SIPA1L3: variants seen among roughly 807,000 people sequenced by gnomAD.
SIPA1L3 encodes the protein signal induced proliferation associated 1 like 3, also known as signal-induced proliferation-associated 1-like protein 3.
SIPA1L3 carries 59 observed loss-of-function variants against 150.1 expected under a neutral mutation model. That is an observed-to-expected ratio of 0.39 (90% confidence interval 0.32 to 0.49). The LOEUF is 0.49. SIPA1L3 is among the 20% of genes least tolerant of loss of function. The probability of loss-of-function intolerance (pLI) is 0.86; values close to 1 mark genes in which losing one functional copy is unlikely to be tolerated. For missense variants in SIPA1L3, 2,211 were observed against 2,489.5 expected (o/e 0.89, Z 2.38); for synonymous variants, 1,070 against 1,077.6 (o/e 0.99, Z 0.14).
At chr19:38,076,072 G>A (rs935929870) in intron 2 of SIPA1L3, among the ~76,000 whole-genome samples, 4 of 151,168 alleles carry the variant, frequency 2.6e-5, no homozygotes, top group Non-Finnish European at 4.4e-5. Flanking sequence ...CCTGGGAGGC[G>A]GAGATTGCAG....
chr19:38,016,387 G>A lies in SIPA1L3; in HGVS notation c.-378-12702G>A, dbSNP rs1254002609. Among the ~76,000 whole-genome samples, 4 of 152,188 alleles carry A rather than the reference G, an allele frequency of 2.6e-5. No homozygotes were observed. The East Asian group carries it at 7.7e-4, about 29-fold the overall frequency. ...ATAGTCAGTATCCTTACCTGTGCCT[G>A]TTTTTCTGCCATCCACTGGTGGGTA... is the stretch of plus-strand genomic sequence containing the variant. On this transcript the variant is annotated intron_variant, in intron 1 of 21. Coordinates refer to ENST00000222345, the MANE Select transcript of SIPA1L3 (RefSeq NM_015073.3).
chr19:38,045,293 C>G (rs1242497125), intron 2 of SIPA1L3, among the ~76,000 whole-genome samples: 1 of 152,022 alleles, frequency 6.6e-6, no homozygotes, highest in East Asian at 1.9e-4. Context: ...ACAAGAATCA[C>G]TTGAACCCGG....
chr19:38,055,367 C>T (rs1177119981), intron 2 of SIPA1L3, among the ~76,000 whole-genome samples: 1 of 152,166 alleles, frequency 6.6e-6, no homozygotes, highest in African/African-American at 2.4e-5. Flanking sequence ...CAGCCTCATG[C>T]TCCCAAGATG....
chr19:38,177,650 C>T (rs1972466448), intron 15 of SIPA1L3, among the ~76,000 whole-genome samples: 1 of 152,200 alleles, frequency 6.6e-6, no homozygotes, highest in African/African-American at 2.4e-5. Context: ...GCATCGTTTC[C>T]ATTTACTATA....
chr19:38,102,049 CTTT>C (rs552210592), intron 6 of SIPA1L3, among the ~76,000 whole-genome samples: 4 of 137,146 alleles, frequency 2.9e-5, no homozygotes, highest in Admixed American at 7.4e-5. Context: ...CTTTTCTTTT[CTTT>C]TTTTTTTTTT....
chr19:38,015,721 T>TAAA lies in SIPA1L3; in HGVS notation c.-378-13347_-378-13345dup, dbSNP rs59452393. Reference sequence around the variant, plus strand: ...CCTGGGTGACAGAGCAAGATCCTGTTAAAAAAAAAAAAAAAAAAAAAAAGA... The same window carrying TAAA: ...CCTGGGTGACAGAGCAAGATCCTGTTAAAAAAAAAAAAAAAAAAAAAAAAAAGA... On this transcript the variant is annotated intron_variant, in intron 1 of 21. Transcript: ENST00000222345. 4.5e-3 allele frequency among the ~76,000 whole-genome samples: 462 copies of TAAA among 102,144 alleles called. 6 individuals are homozygous for TAAA. Among genetic ancestry groups the TAAA allele is most frequent in the East Asian group, 0.023 (66 of 2,812 alleles). 67.0% of individuals were successfully genotyped at this position (102,144 alleles called of 152,430 possible).
chr19:38,069,476 T>C (rs1969667215), intron 2 of SIPA1L3, among the ~76,000 whole-genome samples: 1 of 152,118 alleles, frequency 6.6e-6, no homozygotes, highest in African/African-American at 2.4e-5. Context: ...CACTTGGATG[T>C]ACAGCCTCTC....
At chr19:37,965,648 C>A (rs1177532477) in intron 1 of SIPA1L3, among the ~76,000 whole-genome samples, 2 of 152,060 alleles carry the variant, frequency 1.3e-5, no homozygotes, top group Non-Finnish European at 1.5e-5. Context: ...TTCACATTTT[C>A]TTTGTAACTT....
intron 1 of SIPA1L3, among the ~76,000 whole-genome samples, chr19:37,941,596 G>T (rs2046658677): frequency 6.6e-6 from 1 of 151,944 alleles, no homozygotes; most frequent in South Asian, 2.1e-4. Flanking sequence ...TCATCTCATT[G>T]TGTGGGCACG....
chr19:37,935,748 G>A (rs2046594943), intron 1 of SIPA1L3, among the ~76,000 whole-genome samples: 1 of 152,198 alleles, frequency 6.6e-6, no homozygotes, highest in Admixed American at 6.5e-5. Context: ...TAACACGGCA[G>A]CTGAGGGCTT....
At chr19:37,920,980 C>T (rs549066860) in intron 1 of SIPA1L3, among the ~76,000 whole-genome samples, 2 of 152,324 alleles carry the variant, frequency 1.3e-5, no homozygotes, top group African/African-American at 4.8e-5. Flanking sequence ...CTCAGACCCT[C>T]CCCTCAGGAC....
chr19:38,151,961 CAAAAAAA>C (rs35851181), intron 12 of SIPA1L3, among the ~76,000 whole-genome samples: 3 of 86,136 alleles, frequency 3.5e-5, no homozygotes, highest in African/African-American at 1.5e-4. Flanking sequence ...GACCCCATCT[CAAAAAAA>C]AAAAAAAAAA....
rs1972856478 is a variant in SIPA1L3 at position 38,193,718 on chromosome 19, C to CTG, written c.4778_4779insTG (p.His1594AlafsTer46). On this transcript the variant is annotated frameshift_variant, in exon 18 of 22. Coordinates refer to ENST00000222345, the MANE Select transcript of SIPA1L3 (RefSeq NM_015073.3). LOFTEE classifies it high-confidence loss of function. Reference sequence around the variant, plus strand: ...CCTGCACGCCGCCAGCACCAGCACCCCCACCCGCCCGTCGGCCCCGGTGCC... The same window carrying CTG: ...CCTGCACGCCGCCAGCACCAGCACCCTGCCACCCGCCCGTCGGCCCCGGTGCC... 6.4e-7 allele frequency: 1 copy of CTG among 1,567,424 alleles called. No homozygotes were observed. The highest frequency in any genetic ancestry group is 8.6e-7 in the Non-Finnish European group (1 of 1,165,314).
chr19:38,106,459 C>A, intron 6 of SIPA1L3, 78 bp from the exon 7 acceptor site: 2 of 915,918 alleles, frequency 2.2e-6, no homozygotes, highest in South Asian at 1.3e-5. Context: ...AGTTAAAAAC[C>A]AGCACAGATG....
intron 1 of SIPA1L3, among the ~76,000 whole-genome samples, chr19:37,999,539 C>T (rs1457969644): frequency 6.6e-6 from 1 of 152,180 alleles, no homozygotes; most frequent in Non-Finnish European, 1.5e-5. Context: ...CTCTTCATTC[C>T]GCTGCCTGTG....
At chr19:37,975,078 A>G (rs1967043126) in intron 1 of SIPA1L3, among the ~76,000 whole-genome samples, 1 of 152,230 alleles carries the variant, frequency 6.6e-6, no homozygotes, top group Non-Finnish European at 1.5e-5. Flanking sequence ...ACCAGACTCC[A>G]GATCTGGGCT....
At chr19:38,056,287 C>G (rs1969312678) in intron 2 of SIPA1L3, among the ~76,000 whole-genome samples, 1 of 152,386 alleles carries the variant, frequency 6.6e-6, no homozygotes, top group East Asian at 1.9e-4. Context: ...GTACCCTCGG[C>G]AGGTCACGAT....
At position 38,165,644 on chromosome 19, in the gene SIPA1L3, G is replaced by A. The variant is rs555437122; in HGVS notation, c.4208+738G>A. Among the ~76,000 whole-genome samples the A allele has an allele frequency of 9.8e-5, 15 of 152,346 alleles. No homozygotes were observed. In the South Asian group the frequency reaches 2.7e-3, roughly 27 times the overall value. ...GTAGTTTGGTCTTCCAGGCTCTACCGTATACGGCGATGGTCCCCACAGAAG... is the reference window on the plus strand; with the variant it reads ...GTAGTTTGGTCTTCCAGGCTCTACCATATACGGCGATGGTCCCCACAGAAG... On this transcript the variant is annotated intron_variant, in intron 15 of 21. Coordinates refer to ENST00000222345, the MANE Select transcript of SIPA1L3 (RefSeq NM_015073.3).
chr19:38,166,455 C>CAAAAA (rs545670843), intron 15 of SIPA1L3, among the ~76,000 whole-genome samples: 5 of 104,066 alleles, frequency 4.8e-5, no homozygotes, highest in East Asian at 2.8e-4. Flanking sequence ...GACTCTGTCT[C>CAAAAA]AAAAAAAAAA....
Sources: gnomAD v4.1 joint callset for allele counts (sites outside exome capture counted in the v4.1 genomes callset) on GRCh38, gnomAD v4.1.1 for gene constraint, MANE v1.5 for transcripts, NCBI Gene and HGNC (gene_info 2026-07-23, HGNC 2026-07-21) for gene names.